The following HRH4 variants were observed in gnomAD, a reference collection of about 807,000 sequenced individuals.
HRH4 encodes histamine receptor H4.
In HRH4, 12 loss-of-function variants were observed where a neutral mutation model predicts 10.4. That is an observed-to-expected ratio of 1.15 (90% CI 0.74 to 1.87). The LOEUF (loss-of-function observed/expected upper bound fraction) is 1.87, where lower values mean the gene tolerates loss of function less well. HRH4 is among the 40% of genes most tolerant of loss of function. The pLI is 0.00. For synonymous variants in HRH4, 154 were observed against 166.6 expected, an observed-to-expected ratio of 0.92 and a Z score of 0.58; for missense variants, 415 against 453.3, an observed-to-expected ratio of 0.92 and a Z score of 0.77.
intron 2 of HRH4, among the ~76,000 whole-genome samples, chr18:24,470,649 G>T (rs150697667): frequency 4.6e-5 from 7 of 151,030 alleles, no homozygotes; most frequent in Admixed American, 6.6e-5. Flanking sequence ...GATTACAGGC[G>T]CATGCCACCA....
In HRH4 at chr18:24,477,791, G is replaced by T; in HGVS notation, c.*229G>T. ...GTCCTCACCTCTTCCTTGTCTTTTA[G>T]ATCTTAATTTCATGCTGATTACAAA... On this transcript the variant is annotated 3_prime_UTR_variant, in exon 3 of 3. Transcript: ENST00000256906. The T allele has an allele frequency of 2.7e-6, 1 of 377,244 alleles. No homozygotes were observed. The allele number at this position is 377,244 out of a possible 1,614,324, so 23.4% of individuals were successfully genotyped here.
At position 24,479,129 on chromosome 18, in the gene HRH4, G is replaced by C. The variant is rs898929953; in HGVS notation, c.*1567G>C. 3 of 151,850 alleles carry C rather than the reference G, an allele frequency of 2.0e-5. No individual in the cohort carries two copies. The highest frequency in any genetic ancestry group is 1.3e-4 in the Admixed American group (2 of 15,228). The allele number at this position is 151,850 out of a possible 1,614,324, so 9.4% of individuals were successfully genotyped here. ...GATGAGGTTTTGCCATTTTGGTCAG[G>C]CTGGAATTTTTTTTTTTTTAATTTT... On this transcript the variant is annotated 3_prime_UTR_variant, in exon 3 of 3. Transcript: ENST00000256906.
chr18:24,474,352 GA>G (rs199745577), intron 2 of HRH4, among the ~76,000 whole-genome samples: 11,474 of 145,638 alleles, frequency 0.079, 574 homozygotes, highest in Middle Eastern at 0.12. Context: ...ATTTGAGAGA[GA>G]AAAAAAAAAC....
intron 1 of HRH4, among the ~76,000 whole-genome samples, chr18:24,465,890 C>G (rs1254787844): frequency 6.6e-6 from 1 of 152,094 alleles, no homozygotes; most frequent in Non-Finnish European, 1.5e-5. Flanking sequence ...AGAGCATTTA[C>G]CTCCCACCCC....
chr18:24,473,328 A>G (rs1910032249), intron 2 of HRH4, among the ~76,000 whole-genome samples: 3 of 152,194 alleles, frequency 2.0e-5, no homozygotes. Context: ...AAACAAGACC[A>G]CAAACTGGGT....
intron 2 of HRH4, among the ~76,000 whole-genome samples, chr18:24,476,079 G>C (rs956634575): frequency 6.6e-6 from 1 of 152,152 alleles, no homozygotes; most frequent in Non-Finnish European, 1.5e-5. Context: ...GGAGTGATGA[G>C]AGTCTTTCTG....
At chr18:24,465,176 TACTC>T (rs1909741875) in intron 1 of HRH4, among the ~76,000 whole-genome samples, 1 of 152,066 alleles carries the variant, frequency 6.6e-6, no homozygotes, top group Non-Finnish European at 1.5e-5. Context: ...TAATCCCAGT[TACTC>T]AAGAGGCTGA....
chr18:24,462,252 A>AT (rs1909664085), intron 1 of HRH4, among the ~76,000 whole-genome samples: 1 of 152,150 alleles, frequency 6.6e-6, no homozygotes, highest in Non-Finnish European at 1.5e-5. Context: ...TGAAGATGAA[A>AT]TCTATAAAGT....
At chr18:24,466,287 ATT>A (rs398032181) in intron 1 of HRH4, among the ~76,000 whole-genome samples, 1 of 129,206 alleles carries the variant, frequency 7.7e-6, no homozygotes, top group Non-Finnish European at 1.6e-5. Flanking sequence ...TAATTTTTGT[ATT>A]TTTTTTTTTT....
At chr18:24,461,053 T>A in intron 1 of HRH4, 132 bp downstream of exon 1, 1 of 629,110 alleles carries the variant, frequency 1.6e-6, no homozygotes. Flanking sequence ...GTTTAAGTAT[T>A]AAATTTTGGA....
intron 1 of HRH4, among the ~76,000 whole-genome samples, chr18:24,465,901 C>G (rs968763985): frequency 1.4e-4 from 21 of 152,136 alleles, no homozygotes; most frequent in African/African-American, 4.3e-4. Flanking sequence ...CTCCCACCCC[C>G]TGCCCTGAAC....
intron 1 of HRH4, among the ~76,000 whole-genome samples, chr18:24,468,204 TTTA>T (rs1173007809): frequency 2.0e-5 from 3 of 152,108 alleles, no homozygotes; most frequent in South Asian, 2.1e-4. Flanking sequence ...TACTTTATTA[TTTA>T]TTATTATTTT....
rs976706838 is a variant in HRH4 at position 24,460,666 on chromosome 18, T to A, written c.-63T>A. 9.0e-7 allele frequency: 1 copy of A among 1,106,864 alleles called. No homozygotes were observed. The highest frequency in any genetic ancestry group is 1.3e-6 in the Non-Finnish European group (1 of 789,598). The allele number at this position is 1,106,864 out of a possible 1,614,324, so 68.6% of individuals were successfully genotyped here. On this transcript the variant is annotated 5_prime_UTR_variant, in exon 1 of 3. Coordinates refer to ENST00000256906, the MANE Select transcript of HRH4 (RefSeq NM_021624.4). ...ATTTTAGGTATGTGATTAGAAAACA[T>A]ACTTGTCAGAATTGTCTGGCTGGAT...
intron 2 of HRH4, among the ~76,000 whole-genome samples, chr18:24,471,711 G>A (rs553615888): frequency 2.7e-5 from 4 of 148,790 alleles, no homozygotes; most frequent in African/African-American, 9.8e-5. Flanking sequence ...ACTGATTTAT[G>A]AATACTTCCA....
At position 24,477,179 on chromosome 18, in the gene HRH4, A is replaced by G; in HGVS notation, c.790A>G (p.Arg264Gly). 1 of 1,614,230 alleles carries G rather than the reference A, an allele frequency of 6.2e-7. No individual in the cohort carries two copies. The highest frequency in any genetic ancestry group is 8.5e-7 in the Non-Finnish European group (1 of 1,180,052). Residue 264 changes from arginine to glycine, a missense_variant, in exon 3 of 3, where the codon AGA becomes GGA. Arg to Gly is a moderately radical substitution (Grantham distance 125, BLOSUM62 -2). Coordinates refer to ENST00000256906, the MANE Select transcript of HRH4 (RefSeq NM_021624.4). ...RRKSSLMFSS[R>G]TKMNSNTIAS... is the part of the protein sequence containing the mutation. ...AAAGAGTAGTCTCATGTTTTCCTCA[A>G]GAACCAAGATGAATAGCAATACAAT...
At chr18:24,465,081 G>T (rs966165062) in intron 1 of HRH4, among the ~76,000 whole-genome samples, 1 of 152,016 alleles carries the variant, frequency 6.6e-6, no homozygotes, top group African/African-American at 2.4e-5. Context: ...GAGGCCAGGA[G>T]TTCGAGACCA....
chr18:24,472,920 C>G (rs752168742), intron 2 of HRH4, among the ~76,000 whole-genome samples: 11 of 152,036 alleles, frequency 7.2e-5, no homozygotes, highest in Non-Finnish European at 1.0e-4. Context: ...TTTGGAAGGC[C>G]GAGGCTGGCA....
chr18:24,475,194 G>A (rs1415768254), intron 2 of HRH4, among the ~76,000 whole-genome samples: 2 of 152,132 alleles, frequency 1.3e-5, no homozygotes, highest in African/African-American at 2.4e-5. Flanking sequence ...ATAGAAGCCT[G>A]TCCTTGTGAC....
At position 24,476,976 on chromosome 18, in the gene HRH4, A is replaced by G; in HGVS notation, c.587A>G (p.Asn196Ser). Residue 196 changes from asparagine to serine, a missense_variant, in exon 3 of 3, where the codon AAT becomes AGT. Physicochemically the swap from Asn to Ser is conservative, Grantham distance 46. Transcript: ENST00000256906. ...ATCTTAGTCGCTTATTTCAACATGA[A>G]TATTTATTGGAGCCTGTGGAAGCGT... is the stretch of plus-strand genomic sequence containing the variant. ...PVILVAYFNM[N>S]IYWSLWKRDH... 6.2e-7 allele frequency: 1 copy of G among 1,614,180 alleles called. No individual in the cohort carries two copies. Among genetic ancestry groups the G allele is most frequent in the Non-Finnish European group, 8.5e-7 (1 of 1,180,032 alleles).
Sources: gnomAD v4.1 joint callset for allele counts (sites outside exome capture counted in the v4.1 genomes callset) on GRCh38, gnomAD v4.1.1 for gene constraint, MANE v1.5 for transcripts, NCBI Gene and HGNC (gene_info 2026-07-23, HGNC 2026-07-21) for gene names.